The following DLEU7 variants were observed in gnomAD, a reference collection of about 807,000 sequenced individuals.
DLEU7 encodes leukemia-associated protein 7.
In DLEU7, 17 loss-of-function variants were observed where a neutral mutation model predicts 16.0. The ratio of observed to expected loss-of-function variants is 1.06; its 90% CI spans 0.73 to 1.59. DLEU7 has a LOEUF of 1.59. DLEU7 is among the 40% of genes most tolerant of loss of function. DLEU7 has a pLI of 0.00. For synonymous variants in DLEU7, 113 were observed against 139.8 expected, an observed-to-expected ratio of 0.81 and a Z score of 1.35; for missense variants, 308 against 314.9, an observed-to-expected ratio of 0.98 and a Z score of 0.17.
chr13:50,777,675 C>A (rs1486188500), intron 1 of DLEU7, among the ~76,000 whole-genome samples: 1 of 152,060 alleles, frequency 6.6e-6, no homozygotes, highest in Non-Finnish European at 1.5e-5. Flanking sequence ...TTTGGGAAGC[C>A]TTTTTTGTTC....
At chr13:50,767,617 T>A (rs1875161753) in intron 1 of DLEU7, among the ~76,000 whole-genome samples, 1 of 152,184 alleles carries the variant, frequency 6.6e-6, no homozygotes, top group African/African-American at 2.4e-5. Flanking sequence ...CTCTAGCACC[T>A]GGGACAGCTA....
chr13:50,835,049 G>T (rs1390794741), intron 1 of DLEU7, among the ~76,000 whole-genome samples: 3 of 151,290 alleles, frequency 2.0e-5, no homozygotes, highest in Non-Finnish European at 2.9e-5. Context: ...GTAGGGGGGT[G>T]GGGGGCTAGG....
At chr13:50,838,504 A>G (rs1877544206) in intron 1 of DLEU7, among the ~76,000 whole-genome samples, 1 of 152,210 alleles carries the variant, frequency 6.6e-6, no homozygotes. Context: ...AAAATCCTAG[A>G]CTAGCTTCCT....
At chr13:50,803,035 A>C (rs1173085435) in intron 1 of DLEU7, among the ~76,000 whole-genome samples, 1 of 152,184 alleles carries the variant, frequency 6.6e-6, no homozygotes, top group African/African-American at 2.4e-5. Context: ...AGGCAGTTTC[A>C]GATTTTTACA....
At chr13:50,721,137 A>C (rs1873596782) in intron 1 of DLEU7, among the ~76,000 whole-genome samples, 1 of 152,194 alleles carries the variant, frequency 6.6e-6, no homozygotes, top group African/African-American at 2.4e-5. Context: ...CGACTTGCTG[A>C]GTCTTACGGC....
intron 1 of DLEU7, among the ~76,000 whole-genome samples, chr13:50,765,996 G>T (rs945073028): frequency 2.0e-5 from 3 of 152,040 alleles, no homozygotes; most frequent in African/African-American, 7.2e-5. Flanking sequence ...TTTTTCAGAA[G>T]ATTTCTTAAA....
Position 50,817,597 on chromosome 13 carries a change from A to G in DLEU7, c.459+25591T>C, listed in dbSNP as rs149576362. Among the ~76,000 whole-genome samples the G allele has an allele frequency of 1.8e-3, 270 of 152,306 alleles. 1 individual carries two copies. The highest frequency in any genetic ancestry group is 6.2e-3 in the African/African-American group (257 of 41,598). ...ATTTGTACTCCTCTCAGATAGATTT[A>G]CTGCATGAGGATCTGGCACCAGAGC... On this transcript the variant is annotated intron_variant, in intron 1 of 1. Transcript: ENST00000400393.
At position 50,843,676 on chromosome 13, in the gene DLEU7, C is replaced by G. The variant is rs907588941; in HGVS notation, c.-30G>C. Reference sequence around the variant, plus strand: ...TCCGCTGGCGGCCCGGCGCGCTCCGCGTGCAGGTGGAGCAGCAGCGAGGGA... The same window carrying G: ...TCCGCTGGCGGCCCGGCGCGCTCCGGGTGCAGGTGGAGCAGCAGCGAGGGA... On this transcript the variant is annotated 5_prime_UTR_variant, in exon 1 of 2. Coordinates refer to ENST00000504404, the MANE Select transcript of DLEU7 (RefSeq NM_001306135.2). The surrounding 1 kb of genome is among the most constrained non-coding windows in gnomAD (Gnocchi z 5.7). 1.5e-5 allele frequency: 22 copies of G among 1,498,530 alleles called. No individual in the cohort carries two copies. The highest frequency in any genetic ancestry group is 1.9e-5 in the Non-Finnish European group (21 of 1,131,750). 92.8% of individuals were successfully genotyped at this position (1,498,530 alleles called of 1,614,324 possible).
At chr13:50,749,717 G>T (rs931249817) in intron 1 of DLEU7, among the ~76,000 whole-genome samples, 2 of 149,240 alleles carry the variant, frequency 1.3e-5, no homozygotes, top group Non-Finnish European at 2.9e-5. Context: ...TCATACATTT[G>T]TTTGGCCATT....
Position 50,843,133 on chromosome 13 carries a change from T to C in DLEU7, c.459+55A>G. ...ATCGCCATCCCAGCAGCCCCACCCT[T>C]GGAGGATGGGAGGTTACCCTGCACG... is the stretch of plus-strand genomic sequence containing the variant. On this transcript the variant is annotated intron_variant, in intron 1 of 1. Transcript: ENST00000504404. This position sits in a 1 kb window ranked among gnomAD's most constrained non-coding sequence, Gnocchi z 5.7. 1 of 1,486,708 alleles carries C rather than the reference T, an allele frequency of 6.7e-7. No homozygotes were observed. The highest frequency in any genetic ancestry group is 9.1e-7 in the Non-Finnish European group (1 of 1,102,802). The allele number at this position is 1,486,708 out of a possible 1,614,324, so 92.1% of individuals were successfully genotyped here.
chr13:50,815,953 A>G (rs965840429), intron 1 of DLEU7, among the ~76,000 whole-genome samples: 3 of 152,154 alleles, frequency 2.0e-5, no homozygotes, highest in African/African-American at 7.2e-5. Flanking sequence ...GTACAATTTT[A>G]TAATATAAAG....
At chr13:50,730,346 G>A (rs568408969) in intron 1 of DLEU7, among the ~76,000 whole-genome samples, 1 of 152,170 alleles carries the variant, frequency 6.6e-6, no homozygotes, top group African/African-American at 2.4e-5. Flanking sequence ...CAGAGGAAAG[G>A]TAAGAGAAAG....
intron 1 of DLEU7, among the ~76,000 whole-genome samples, chr13:50,793,530 T>C (rs1431068086): frequency 1.3e-5 from 2 of 152,234 alleles, no homozygotes; most frequent in Non-Finnish European, 2.9e-5. Flanking sequence ...TTTTTGACTT[T>C]TTAACAAAAG....
intron 1 of DLEU7, among the ~76,000 whole-genome samples, chr13:50,842,487 A>G (rs1877698861): frequency 1.3e-5 from 2 of 152,206 alleles, no homozygotes; most frequent in Admixed American, 6.5e-5. Flanking sequence ...AGCCTGGGAG[A>G]CAGCTGCTCC....
intron 1 of DLEU7, among the ~76,000 whole-genome samples, chr13:50,739,604 C>G (rs1256211433): frequency 1.3e-5 from 2 of 152,104 alleles, no homozygotes; most frequent in Non-Finnish European, 2.9e-5. Context: ...TTGTGCTTAT[C>G]CTGGAGGGGA....
At chr13:50,843,806 G>T (rs530936420), upstream of DLEU7, 4 of 1,024,204 alleles carry the variant, frequency 3.9e-6, no homozygotes, top group East Asian at 9.6e-5. The surrounding 1 kb of genome is among the most constrained non-coding windows in gnomAD (Gnocchi z 5.7). Flanking sequence ...CTCTGAATCG[G>T]TGACCCGTGC....
At chr13:50,806,377 G>A (rs9535488) in intron 1 of DLEU7, among the ~76,000 whole-genome samples, 27,122 of 151,958 alleles carry the variant, frequency 0.18, 4,310 homozygotes, top group African/African-American at 0.42. Context: ...CATACTAAAT[G>A]TCTTTATCCT....
At chr13:50,760,764 A>T (rs1874904384) in intron 1 of DLEU7, among the ~76,000 whole-genome samples, 1 of 152,224 alleles carries the variant, frequency 6.6e-6, no homozygotes, top group South Asian at 2.1e-4. Context: ...GAAAATGTTC[A>T]TATATTGTTT....
In DLEU7 at chr13:50,843,281, G is replaced by C. The variant is rs769821082; in HGVS notation, c.366C>G (p.Ala122=). 3.8e-6 allele frequency: 6 copies of C among 1,577,528 alleles called. No homozygotes were observed. The highest frequency in any genetic ancestry group is 5.2e-6 in the Non-Finnish European group (6 of 1,162,016). ...LAQMAMRSAL[A]RVVDSTSELV... ...GCTCCGAAGTCGAGTCCACCACGCGGGCCAGCGCGCTGCGCATCGCCATCT... is the reference window on the plus strand; with the variant it reads ...GCTCCGAAGTCGAGTCCACCACGCGCGCCAGCGCGCTGCGCATCGCCATCT... Residue 122 remains alanine, a synonymous_variant, in exon 1 of 2, where the codon GCC becomes GCG. Transcript: ENST00000504404. This position sits in a 1 kb window ranked among gnomAD's most constrained non-coding sequence, Gnocchi z 5.7.
Sources: allele counts gnomAD v4.1 joint callset (sites outside exome capture counted in the v4.1 genomes callset), GRCh38; gene constraint gnomAD v4.1.1; non-coding constraint Gnocchi (gnomAD v3.1); transcripts MANE v1.5; gene names NCBI Gene and HGNC (gene_info 2026-07-23, HGNC 2026-07-21).